Variants in CHUK observed in about 807,000 individuals in gnomAD.
CHUK encodes component of inhibitor of nuclear factor kappa B kinase complex.
Under a neutral mutation model 104.8 loss-of-function variants are expected in CHUK, and 35 were observed. The ratio of observed to expected loss-of-function variants is 0.33; its 90% CI spans 0.26 to 0.44. The LOEUF (loss-of-function observed/expected upper bound fraction) is 0.44, where lower values mean the gene tolerates loss of function less well. Ranked by LOEUF, CHUK falls within the 20% of genes least tolerant of loss-of-function variation. The probability of loss-of-function intolerance (pLI) is 1.00; values close to 1 mark genes in which losing one functional copy is unlikely to be tolerated. For missense variants in CHUK, 663 were observed against 902.7 expected (o/e 0.73, Z 3.40); for synonymous variants, 276 against 291.9 (o/e 0.95, Z 0.56).
intron 11 of CHUK, among the ~76,000 whole-genome samples, chr10:100,205,800 C>A (rs1430935178): frequency 2.0e-5 from 3 of 152,094 alleles, no homozygotes; most frequent in Non-Finnish European, 4.4e-5. Context: ...TGGTGGTGTG[C>A]ACCTATAATC....
At chr10:100,219,756 T>G (rs1195740332) in intron 5 of CHUK, among the ~76,000 whole-genome samples, 1 of 152,022 alleles carries the variant, frequency 6.6e-6, no homozygotes, top group South Asian at 2.1e-4. Flanking sequence ...ACTTCCAAAC[T>G]TGAAGAAGCA....
chr10:100,201,597 A>G (rs941603680), intron 14 of CHUK, among the ~76,000 whole-genome samples: 12 of 152,124 alleles, frequency 7.9e-5, no homozygotes, highest in Non-Finnish European at 1.5e-5. Flanking sequence ...GCTCATGCCT[A>G]TAATCCCAGC....
intron 6 of CHUK, 37 bp downstream of exon 6, chr10:100,219,233 T>TAC: frequency 6.5e-7 from 1 of 1,543,128 alleles, no homozygotes; most frequent in Non-Finnish European, 9.0e-7. Flanking sequence ...GAGAATCCTA[T>TAC]ACACACTTAA....
chr10:100,218,274 A>C, intron 8 of CHUK, 144 bp from the exon 9 acceptor site: 1 of 764,522 alleles, frequency 1.3e-6, no homozygotes, highest in Non-Finnish European at 2.1e-6. Context: ...TTTCAAATTC[A>C]TGAAATGACA....
At position 100,218,143 on chromosome 10, in the gene CHUK, CAA is replaced by C; in HGVS notation, c.798-15_798-14del. 1 of 1,603,364 alleles carries C rather than the reference CAA, an allele frequency of 6.2e-7. No individual in the cohort carries two copies. ...TTCTACTACTAAACTAGAAAACATA[CAA>C]AATAGGGTGAAAATCAAATCATTAT... On this transcript the variant is annotated splice_polypyrimidine_tract_variant and intron_variant, in intron 8 of 20. Transcript: ENST00000370397.
intron 2 of CHUK, among the ~76,000 whole-genome samples, chr10:100,223,366 G>A (rs1846033271): frequency 1.3e-5 from 2 of 152,098 alleles, no homozygotes; most frequent in African/African-American, 4.8e-5. Context: ...TTCTAGGCTG[G>A]GTGTAGTTGT....
chr10:100,210,822 C>T (rs562835824), intron 9 of CHUK, among the ~76,000 whole-genome samples: 18 of 152,324 alleles, frequency 1.2e-4, no homozygotes, highest in African/African-American at 4.3e-4. Context: ...TAAAAGTAGC[C>T]TGATACATGC....
At chr10:100,189,864 T>C (rs1589572834) in intron 20 of CHUK, among the ~76,000 whole-genome samples, 1 of 150,210 alleles carries the variant, frequency 6.7e-6, no homozygotes, top group South Asian at 2.1e-4. Context: ...GAGAGCAGGA[T>C]CTTGCTATGT....
chr10:100,213,828 A>C (rs1845791477), intron 9 of CHUK, among the ~76,000 whole-genome samples: 1 of 152,210 alleles, frequency 6.6e-6, no homozygotes, highest in Non-Finnish European at 1.5e-5. Context: ...GTATCAACAA[A>C]ATTTTAAAAA....
At chr10:100,228,796 A>T (rs184219268) in intron 1 of CHUK, among the ~76,000 whole-genome samples, 31 of 152,178 alleles carry the variant, frequency 2.0e-4, no homozygotes, top group Admixed American at 3.9e-4. Flanking sequence ...CCCCATCTCC[A>T]TCTACTAATA....
chr10:100,223,438 A>C (rs1846034389), intron 2 of CHUK, among the ~76,000 whole-genome samples: 1 of 152,094 alleles, frequency 6.6e-6, no homozygotes, highest in African/African-American at 2.4e-5. Flanking sequence ...CAGGAGTTCG[A>C]GATCAGCATG....
intron 9 of CHUK, among the ~76,000 whole-genome samples, chr10:100,212,172 C>T (rs1845744718): frequency 1.3e-5 from 2 of 152,158 alleles, no homozygotes; most frequent in South Asian, 4.1e-4. Flanking sequence ...CATGAGCCAC[C>T]ATGCCCGGCC....
intron 11 of CHUK, among the ~76,000 whole-genome samples, chr10:100,206,145 G>A (rs1329678507): frequency 6.6e-6 from 1 of 151,234 alleles, no homozygotes; most frequent in Non-Finnish European, 1.5e-5. Context: ...AAGGATATTA[G>A]GTAAAAATGA....
In CHUK at chr10:100,191,639, C is replaced by T. The variant is rs936850410; in HGVS notation, c.2109-671G>A. On this transcript the variant is annotated intron_variant, in intron 19 of 20. Transcript: ENST00000370397. ...CTCTTCTATATGGCCTCTAGCTTCT[C>T]CCTTTGCCAATCTTCAGTCCCCTAA... Among the ~76,000 whole-genome samples, 4 of 152,284 alleles carry T rather than the reference C, an allele frequency of 2.6e-5. No homozygotes were observed. In the East Asian group the frequency reaches 5.8e-4, roughly 22 times the overall value.
intron 2 of CHUK, among the ~76,000 whole-genome samples, chr10:100,224,602 A>T (rs1846064226): frequency 6.6e-6 from 1 of 151,598 alleles, no homozygotes; most frequent in African/African-American, 2.4e-5. Flanking sequence ...ACACCTGGCT[A>T]ATTTTTGTAT....
At chr10:100,214,468 T>A (rs866938665) in intron 9 of CHUK, among the ~76,000 whole-genome samples, 10 of 152,312 alleles carry the variant, frequency 6.6e-5, no homozygotes, top group Middle Eastern at 6.8e-3. Flanking sequence ...AGCAGGCACT[T>A]CATAAAGGAG....
chr10:100,219,201 T>C (rs1470144289), intron 6 of CHUK, 69 bp from the exon 7 acceptor site: 5 of 1,570,690 alleles, frequency 3.2e-6, no homozygotes, highest in Non-Finnish European at 4.4e-6. Context: ...TGACCTACTA[T>C]ATTCATGATC....
intron 9 of CHUK, among the ~76,000 whole-genome samples, chr10:100,211,696 G>A (rs1025222869): frequency 1.7e-4 from 26 of 152,096 alleles, no homozygotes; most frequent in Admixed American, 2.6e-4. Flanking sequence ...CTATTCCACT[G>A]TGTATATATA....
intron 9 of CHUK, among the ~76,000 whole-genome samples, chr10:100,214,723 G>T (rs11819107): frequency 1.3e-5 from 2 of 152,194 alleles, no homozygotes; most frequent in Non-Finnish European, 2.9e-5. Context: ...CAATGAAAGG[G>T]TCTGGACTTT....
Sources: allele counts gnomAD v4.1 joint callset (sites outside exome capture counted in the v4.1 genomes callset), GRCh38; gene constraint gnomAD v4.1.1; transcripts MANE v1.5; gene names NCBI Gene and HGNC (gene_info 2026-07-23, HGNC 2026-07-21).